Variants in MCC observed in about 807,000 individuals in gnomAD.
The protein encoded by MCC is colorectal mutant cancer protein.
MCC carries 90 observed loss-of-function variants against 116.2 expected under a neutral mutation model. That is an observed-to-expected ratio of 0.77 (90% confidence interval 0.65 to 0.92). MCC has a LOEUF of 0.92. MCC is among the 40% of genes least tolerant of loss of function. The pLI is 0.00. For synonymous variants in MCC, 578 were observed against 510.5 expected, an observed-to-expected ratio of 1.13 and a Z score of -1.78; for missense variants, 1,516 against 1,312.2, an observed-to-expected ratio of 1.16 and a Z score of -2.40.
At chr5:113,311,387 C>T (rs1018366316) in intron 3 of MCC, among the ~76,000 whole-genome samples, 6 of 152,266 alleles carry the variant, frequency 3.9e-5, no homozygotes, top group East Asian at 3.9e-4. Context: ...CTGCCGCTAA[C>T]GTGAGTGCAT....
At chr5:113,447,462 G>A (rs1399385377) in intron 1 of MCC, among the ~76,000 whole-genome samples, 4 of 152,026 alleles carry the variant, frequency 2.6e-5, no homozygotes, top group Non-Finnish European at 5.9e-5. Flanking sequence ...TATGGATATT[G>A]GAAGAATCTC....
chr5:113,165,415 TCTTACAAACTGA>T (rs1760715608), intron 3 of MCC, among the ~76,000 whole-genome samples: 1 of 152,252 alleles, frequency 6.6e-6, no homozygotes, highest in Non-Finnish European at 1.5e-5. Context: ...TTGCCAGTTC[TCTTACAAACTGA>T]CTTATTCCTT....
chr5:113,137,763 A>C (rs889156879), intron 5 of MCC, among the ~76,000 whole-genome samples: 2 of 152,180 alleles, frequency 1.3e-5, no homozygotes, highest in Admixed American at 6.5e-5. Flanking sequence ...GGCCACTTCC[A>C]TTCTCTCAAT....
At position 113,294,348 on chromosome 5, in the gene MCC, G is replaced by T. The variant is rs752693418; in HGVS notation, c.627+46171C>A. 3.1e-6 allele frequency: 5 copies of T among 1,613,810 alleles called. No homozygotes were observed. The African/African-American group carries it at 5.3e-5, about 17-fold the overall frequency. ...TCTTACCTCACTCAGCTCGGCCGAG[G>T]AGTCGTTTCCATATTTCATGGCAAC... is the stretch of plus-strand genomic sequence containing the variant. On this transcript the variant is annotated intron_variant, in intron 3 of 18. Transcript: ENST00000408903.
intron 1 of MCC, among the ~76,000 whole-genome samples, chr5:113,447,083 G>A (rs1580386888): frequency 6.6e-6 from 1 of 152,314 alleles, no homozygotes. Flanking sequence ...GTGTGGGTTT[G>A]GGAGGTAGAG....
chr5:113,100,722 C>T (rs754917889), intron 8 of MCC, among the ~76,000 whole-genome samples: 55 of 152,198 alleles, frequency 3.6e-4, no homozygotes, highest in Non-Finnish European at 6.3e-4. Flanking sequence ...CTGCCTGCCT[C>T]GGCCTCCCAA....
At chr5:113,093,469 A>ATC (rs144701142) in intron 8 of MCC, among the ~76,000 whole-genome samples, 1,775 of 149,198 alleles carry the variant, frequency 0.012, 10 homozygotes, top group Non-Finnish European at 0.018. Flanking sequence ...CTATCTGTTG[A>ATC]TCTCTCTCTC....
At position 113,134,555 on chromosome 5, in the gene MCC, CTTTTTT is replaced by C; in HGVS notation, c.884+8657_884+8662del. On this transcript the variant is annotated intron_variant, in intron 5 of 18. Coordinates refer to ENST00000408903, the MANE Select transcript of MCC (RefSeq NM_001085377.2). ...TCAGGATTGGCTTTGGCTATTTGGG[CTTTTTT>C]TTTTTTTTTTTTTTTTTGTAGTTCT... Among the ~76,000 whole-genome samples, 25 of 30,122 alleles carry C rather than the reference CTTTTTT, an allele frequency of 8.3e-4. No homozygotes were observed. In the South Asian group the frequency reaches 0.011, roughly 13 times the overall value. The allele number at this position is 30,122 out of a possible 152,430, so 19.8% of individuals were successfully genotyped here.
chr5:113,384,076 C>T (rs1769188587), intron 2 of MCC, among the ~76,000 whole-genome samples: 1 of 152,094 alleles, frequency 6.6e-6, no homozygotes, highest in East Asian at 1.9e-4. Flanking sequence ...TCCTTTTTAA[C>T]TTTTTATTAT....
rs780252404 is a variant in MCC, at chr5:113,027,484, T to C, written c.2880-2A>G. On this transcript the variant is annotated splice_acceptor_variant, in intron 18 of 18. Coordinates refer to ENST00000408903, the MANE Select transcript of MCC (RefSeq NM_001085377.2). LOFTEE classifies it high-confidence loss of function. ...TTCTCATAGGCAGCCACCAGGTTGCTAGGTGGGAATGAAGGGAAATTGGTA... is the reference window on the plus strand; with the variant it reads ...TTCTCATAGGCAGCCACCAGGTTGCCAGGTGGGAATGAAGGGAAATTGGTA... 3 of 1,614,002 alleles carry C rather than the reference T, an allele frequency of 1.9e-6. No individual in the cohort carries two copies. The highest frequency in any genetic ancestry group is 1.7e-6 in the Non-Finnish European group (2 of 1,179,938).
At chr5:113,408,799 T>G (rs1321443408) in intron 1 of MCC, among the ~76,000 whole-genome samples, 1 of 152,192 alleles carries the variant, frequency 6.6e-6, no homozygotes, top group Admixed American at 6.5e-5. Flanking sequence ...GCTTTCAAAC[T>G]GCTCCTTAGG....
chr5:113,108,206 G>A (rs1756860377), intron 6 of MCC, among the ~76,000 whole-genome samples: 1 of 151,844 alleles, frequency 6.6e-6, no homozygotes, highest in Admixed American at 6.6e-5. Flanking sequence ...TTAGCCAGGT[G>A]TGGTGGCGCA....
intron 5 of MCC, among the ~76,000 whole-genome samples, chr5:113,137,546 C>T (rs1434839516): frequency 2.0e-5 from 3 of 152,096 alleles, no homozygotes; most frequent in Non-Finnish European, 4.4e-5. Flanking sequence ...GAATCCCACT[C>T]GATCATGGTG....
chr5:113,126,194 AAAC>A (rs1443557529), intron 5 of MCC, among the ~76,000 whole-genome samples: 2 of 152,334 alleles, frequency 1.3e-5, no homozygotes, highest in Admixed American at 6.5e-5. Flanking sequence ...CTCCTAGCTT[AAAC>A]AACAACATAA....
At chr5:113,357,471 T>C (rs1315963425) in intron 2 of MCC, among the ~76,000 whole-genome samples, 4 of 152,108 alleles carry the variant, frequency 2.6e-5, no homozygotes, top group Non-Finnish European at 5.9e-5. Context: ...CTACCAGGAA[T>C]GTCCGGTGAC....
intron 3 of MCC, among the ~76,000 whole-genome samples, chr5:113,257,493 A>T (rs553825364): frequency 3.7e-4 from 57 of 152,278 alleles, no homozygotes; most frequent in African/African-American, 1.3e-3. Context: ...TCTGATCAGG[A>T]ACAGAGAGTT....
rs187867573 is a variant in MCC, at chr5:113,309,014, C to A, written c.627+31505G>T. ...GAATATTATTCCTGGAGAAAAGAGGCCATATTTTTAAAATGAAGCCAGAGT... is the reference window on the plus strand; with the variant it reads ...GAATATTATTCCTGGAGAAAAGAGGACATATTTTTAAAATGAAGCCAGAGT... On this transcript the variant is annotated intron_variant, in intron 3 of 18. Transcript: ENST00000408903. 2.8e-3 allele frequency among the ~76,000 whole-genome samples: 421 copies of A among 152,180 alleles called. 3 individuals carry two copies. The South Asian group carries it at 0.029, about 11-fold the overall frequency.
chr5:113,243,237 C>G (rs1239464652), intron 3 of MCC, among the ~76,000 whole-genome samples: 2 of 152,106 alleles, frequency 1.3e-5, no homozygotes, highest in South Asian at 2.1e-4. Context: ...GTAGCTACAT[C>G]AGCCCTCTTC....
At chr5:113,308,556 C>G (rs1445336147) in intron 3 of MCC, among the ~76,000 whole-genome samples, 1 of 152,192 alleles carries the variant, frequency 6.6e-6, no homozygotes, top group Non-Finnish European at 1.5e-5. Context: ...GGCATGGTGG[C>G]TCATGCCAAT....
Sources: gnomAD v4.1 joint callset for allele counts (sites outside exome capture counted in the v4.1 genomes callset) on GRCh38, gnomAD v4.1.1 for gene constraint, MANE v1.5 for transcripts, NCBI Gene and HGNC (gene_info 2026-07-23, HGNC 2026-07-21) for gene names.